GNAQ: variants seen among roughly 807,000 people sequenced by gnomAD.
GNAQ encodes G protein subunit alpha q.
GNAQ carries 8 observed loss-of-function variants against 43.9 expected under a neutral mutation model. The ratio of observed to expected loss-of-function variants is 0.18; its 90% CI spans 0.11 to 0.33. The LOEUF (loss-of-function observed/expected upper bound fraction) is 0.33, where lower values mean the gene tolerates loss of function less well. Ranked by LOEUF, GNAQ falls within the 10% of genes least tolerant of loss-of-function variation. The pLI is 1.00. For synonymous variants in GNAQ, 155 were observed against 170.7 expected (o/e 0.91, Z 0.71); for missense variants, 158 against 450.8 (o/e 0.35, Z 5.88).
intron 2 of GNAQ, among the ~76,000 whole-genome samples, chr9:77,820,308 G>C (rs1020479680): frequency 2.0e-5 from 3 of 152,272 alleles, no homozygotes; most frequent in Admixed American, 2.0e-4. Context: ...GACGTGAACT[G>C]TATTTATCAG....
intron 2 of GNAQ, among the ~76,000 whole-genome samples, chr9:77,906,151 A>C (rs1044465771): frequency 6.6e-6 from 1 of 152,228 alleles, no homozygotes; most frequent in Non-Finnish European, 1.5e-5. Flanking sequence ...CCTGACATGT[A>C]ATTAGTATCT....
intron 2 of GNAQ, among the ~76,000 whole-genome samples, chr9:77,877,548 A>G (rs1009887447): frequency 6.6e-6 from 1 of 152,222 alleles, no homozygotes; most frequent in African/African-American, 2.4e-5. Context: ...TAGGTGGGTA[A>G]TAAATGTATA....
intron 1 of GNAQ, among the ~76,000 whole-genome samples, chr9:77,956,867 A>G (rs892826003): frequency 6.6e-6 from 1 of 152,226 alleles, no homozygotes; most frequent in African/African-American, 2.4e-5. Context: ...TAACACCTCA[A>G]TGATACAAAA....
intron 1 of GNAQ, among the ~76,000 whole-genome samples, chr9:77,922,789 AGAGAT>A (rs1291813846): frequency 6.6e-6 from 1 of 152,192 alleles, no homozygotes; most frequent in Non-Finnish European, 1.5e-5. Flanking sequence ...GTATTCAGAC[AGAGAT>A]AAGAAAAAAA....
chr9:77,911,607 A>T (rs193104443), intron 2 of GNAQ, among the ~76,000 whole-genome samples: 1 of 152,192 alleles, frequency 6.6e-6, no homozygotes, highest in Non-Finnish European at 1.5e-5. Flanking sequence ...ATAAAACACA[A>T]AAAAAGAAAA....
chr9:77,881,325 AC>A (rs994660043), intron 2 of GNAQ, among the ~76,000 whole-genome samples: 1 of 152,218 alleles, frequency 6.6e-6, no homozygotes, highest in African/African-American at 2.4e-5. Context: ...ACTGCCTGGC[AC>A]GTGGCCAGGG....
intron 1 of GNAQ, among the ~76,000 whole-genome samples, chr9:78,000,757 G>C (rs1203210556): frequency 6.6e-6 from 1 of 152,090 alleles, no homozygotes; most frequent in Admixed American, 6.5e-5. Context: ...CAGGATACTA[G>C]CAAGTTCTTA....
intron 1 of GNAQ, among the ~76,000 whole-genome samples, chr9:78,006,772 A>AT (rs1823712156): frequency 6.6e-6 from 1 of 152,210 alleles, no homozygotes. Flanking sequence ...CAAATAGAAG[A>AT]TTTTGCAATG....
intron 2 of GNAQ, among the ~76,000 whole-genome samples, chr9:77,826,117 C>T (rs1827192037): frequency 2.0e-5 from 3 of 152,168 alleles, no homozygotes; most frequent in African/African-American, 4.8e-5. Context: ...CTGCCAATAG[C>T]TTCCCACTAT....
At chr9:77,752,217 A>G (rs951596737) in intron 5 of GNAQ, among the ~76,000 whole-genome samples, 1 of 152,234 alleles carries the variant, frequency 6.6e-6, no homozygotes, top group Non-Finnish European at 1.5e-5. Flanking sequence ...TCTAGGCAAA[A>G]CTGCAGTTAA....
intron 1 of GNAQ, among the ~76,000 whole-genome samples, chr9:77,946,843 G>A (rs555994959): frequency 2.6e-5 from 4 of 152,270 alleles, no homozygotes; most frequent in Admixed American, 6.5e-5. Flanking sequence ...TTCTTCATCT[G>A]CAAAATGAGG....
At chr9:77,905,067 G>A (rs1445140952) in intron 2 of GNAQ, among the ~76,000 whole-genome samples, 1 of 152,078 alleles carries the variant, frequency 6.6e-6, no homozygotes, top group East Asian at 1.9e-4. Flanking sequence ...AGTTAAGAAT[G>A]GCCCTAATTT....
chr9:77,944,272 C>G (rs1162577275), intron 1 of GNAQ, among the ~76,000 whole-genome samples: 2 of 151,598 alleles, frequency 1.3e-5, no homozygotes. Flanking sequence ...ATAATAAAAG[C>G]ATTTTAGAAT....
intron 2 of GNAQ, among the ~76,000 whole-genome samples, chr9:77,843,907 G>A (rs1325600970): frequency 2.0e-5 from 3 of 152,036 alleles, no homozygotes; most frequent in East Asian, 1.9e-4. Context: ...TGGCTCAGAG[G>A]GTTGTGTCTG....
intron 2 of GNAQ, among the ~76,000 whole-genome samples, chr9:77,832,767 G>A (rs1388181529): frequency 6.6e-6 from 1 of 152,078 alleles, no homozygotes; most frequent in Non-Finnish European, 1.5e-5. Context: ...GGTTAGTGTG[G>A]TTACGTTGTA....
At chr9:77,899,113 T>C (rs561180755) in intron 2 of GNAQ, among the ~76,000 whole-genome samples, 1 of 152,286 alleles carries the variant, frequency 6.6e-6, no homozygotes, top group East Asian at 1.9e-4. Context: ...TTGTTTTGTT[T>C]TGAGACAAGG....
chr9:77,887,610 T>C (rs1179482881), intron 2 of GNAQ, among the ~76,000 whole-genome samples: 1 of 152,246 alleles, frequency 6.6e-6, no homozygotes, highest in East Asian at 1.9e-4. Flanking sequence ...GCACTATTAG[T>C]GAACTTCCAG....
At chr9:77,783,546 A>AAGAGTGG (rs1826430304) in intron 5 of GNAQ, among the ~76,000 whole-genome samples, 1 of 152,116 alleles carries the variant, frequency 6.6e-6, no homozygotes, top group Admixed American at 6.5e-5. Context: ...CGTTGGTCCC[A>AAGAGTGG]ACCTCTTCAA....
intron 2 of GNAQ, among the ~76,000 whole-genome samples, chr9:77,916,624 C>T (rs1329374093): frequency 6.6e-6 from 1 of 152,076 alleles, no homozygotes; most frequent in Non-Finnish European, 1.5e-5. Context: ...CTCTCATAAC[C>T]CCTCCATGCT....
Sources: gnomAD v4.1 joint callset for allele counts (sites outside exome capture counted in the v4.1 genomes callset) on GRCh38, gnomAD v4.1.1 for gene constraint, MANE v1.5 for transcripts, NCBI Gene and HGNC (gene_info 2026-07-23, HGNC 2026-07-21) for gene names.